HHIPL1: variants seen among roughly 807,000 people sequenced by gnomAD.
HHIPL1 encodes the protein HHIP-like protein 1.
A neutral mutation model predicts 61.8 loss-of-function variants in HHIPL1; 43 were observed. The ratio of observed to expected loss-of-function variants is 0.70; its 90% CI spans 0.55 to 0.90. The LOEUF is 0.90. Ranked by LOEUF, HHIPL1 falls within the 40% of genes least tolerant of loss-of-function variation. HHIPL1 has a pLI of 0.00. For missense variants in HHIPL1, 1,056 were observed against 1,157.7 expected (o/e 0.91, Z 1.28); for synonymous variants, 482 against 515.8 (o/e 0.93, Z 0.89).
the HHIPL1 span, among the ~76,000 whole-genome samples, chr14:99,611,739 TTG>T: frequency 4.0e-5 from 4 of 101,236 alleles, no homozygotes; most frequent in Non-Finnish European, 1.1e-4. Context: ...AGTTTTTGGG[TTG>T]TTTTTTTTTT....
chr14:99,649,081 C>G (rs1250713623), intron 1 of HHIPL1, among the ~76,000 whole-genome samples: 1 of 152,202 alleles, frequency 6.6e-6, no homozygotes, highest in African/African-American at 2.4e-5. Flanking sequence ...ATCACTATGT[C>G]TTCTTGTCAC....
chr14:99,672,996 G>C (rs1380276387), intron 8 of HHIPL1, among the ~76,000 whole-genome samples: 1 of 152,312 alleles, frequency 6.6e-6, no homozygotes, highest in Admixed American at 6.5e-5. Flanking sequence ...TACAGCACAC[G>C]GCGAGACACT....
chr14:99,670,165 G>A (rs1371512342), intron 7 of HHIPL1, among the ~76,000 whole-genome samples: 4 of 150,520 alleles, frequency 2.7e-5, no homozygotes, highest in Admixed American at 6.6e-5. Context: ...AGGCTGGAGC[G>A]CAGTAGCATG....
chr14:99,611,713 C>A, the HHIPL1 span, among the ~76,000 whole-genome samples: 1 of 150,506 alleles, frequency 6.6e-6, no homozygotes, highest in East Asian at 2.0e-4. Flanking sequence ...CAGGTGGGAG[C>A]CACCATGCCC....
At position 99,659,462 on chromosome 14, in the gene HHIPL1, G is replaced by A; in HGVS notation, c.1081G>A (p.Val361Met). The change falls in exon 4 of 9, where the codon GTG becomes ATG. Residue 361 changes from valine to methionine, a missense_variant. Coordinates refer to ENST00000330710, the MANE Select transcript of HHIPL1 (RefSeq NM_001127258.3). ...GCTGGGCAAGGTGCTGCGCATCGAC[G>A]TGGACCGTAAGGAGCGCGGCCTGCC... ...ALLGKVLRID[V>M]DRKERGLPYG... is the part of the protein sequence containing the mutation. 1 of 1,522,886 alleles carries A rather than the reference G, an allele frequency of 6.6e-7. No individual in the cohort carries two copies. The highest frequency in any genetic ancestry group is 8.8e-7 in the Non-Finnish European group (1 of 1,140,400). The allele number at this position is 1,522,886 out of a possible 1,614,324, so 94.3% of individuals were successfully genotyped here.
At position 99,657,440 on chromosome 14, in the gene HHIPL1, G is replaced by T. The variant is rs145091936; in HGVS notation, c.1046+297G>T. Reference sequence around the variant, plus strand: ...ACAGGCGCCTGAGAGGTGCATTAGCGAGCCTCAGGGCAGATGGGATTTTCT... The same window carrying T: ...ACAGGCGCCTGAGAGGTGCATTAGCTAGCCTCAGGGCAGATGGGATTTTCT... On this transcript the variant is annotated intron_variant, in intron 3 of 8. Transcript: ENST00000330710. Among the ~76,000 whole-genome samples, 4 of 152,290 alleles carry T rather than the reference G, an allele frequency of 2.6e-5. No individual in the cohort carries two copies. In the South Asian group the frequency reaches 8.3e-4, roughly 32 times the overall value.
At chr14:99,609,232 T>C in the HHIPL1 span, among the ~76,000 whole-genome samples, 5 of 152,190 alleles carry the variant, frequency 3.3e-5, no homozygotes, top group Non-Finnish European at 5.9e-5. Flanking sequence ...TGGGTGACCC[T>C]AGACCAGTCC....
intron 1 of HHIPL1, among the ~76,000 whole-genome samples, chr14:99,645,877 C>G (rs930957166): frequency 6.6e-6 from 1 of 152,154 alleles, no homozygotes; most frequent in African/African-American, 2.4e-5. Context: ...TTTGTGTTGT[C>G]CCCGGGGCAG....
At chr14:99,626,316 TGA>T in the HHIPL1 span, among the ~76,000 whole-genome samples, 1 of 151,158 alleles carries the variant, frequency 6.6e-6, no homozygotes, top group Admixed American at 6.6e-5. Context: ...CTCGGGGCTC[TGA>T]GACTGCAGGG....
chr14:99,635,411 A>T, the HHIPL1 span, among the ~76,000 whole-genome samples: 1 of 151,800 alleles, frequency 6.6e-6, no homozygotes, highest in South Asian at 2.1e-4. Context: ...GAAGCCGGGG[A>T]ATCAGATGCG....
upstream of HHIPL1, among the ~76,000 whole-genome samples, chr14:99,643,274 G>A (rs893316073): frequency 9.9e-5 from 15 of 151,170 alleles, no homozygotes; most frequent in African/African-American, 1.9e-4. Context: ...TCCTGACCTC[G>A]GGTGATCCGC....
At chr14:99,638,438 C>T in the HHIPL1 span, among the ~76,000 whole-genome samples, 9 of 152,292 alleles carry the variant, frequency 5.9e-5, no homozygotes, top group South Asian at 6.2e-4. Context: ...CTGCTGGAGC[C>T]GATGCGTAGG....
the HHIPL1 span, among the ~76,000 whole-genome samples, chr14:99,610,460 C>T: frequency 6.6e-6 from 1 of 152,144 alleles, no homozygotes; most frequent in Non-Finnish European, 1.5e-5. Context: ...ATATTTCTCC[C>T]TTATAAGATA....
chr14:99,644,661 G>C (rs2055797521), upstream of HHIPL1, among the ~76,000 whole-genome samples: 1 of 152,184 alleles, frequency 6.6e-6, no homozygotes, highest in Admixed American at 6.5e-5. Context: ...TAAGGGCAAA[G>C]GGTGGACTGC....
chr14:99,670,828 A>G (rs1336483519), intron 7 of HHIPL1, among the ~76,000 whole-genome samples: 1 of 152,186 alleles, frequency 6.6e-6, no homozygotes, highest in Admixed American at 6.5e-5. Context: ...CTGAGTCACT[A>G]TAACCCATTC....
At chr14:99,620,025 C>T in the HHIPL1 span, among the ~76,000 whole-genome samples, 2 of 152,206 alleles carry the variant, frequency 1.3e-5, no homozygotes, top group East Asian at 3.9e-4. Context: ...CCGCCTGGCA[C>T]TTCCGGAGGA....
At chr14:99,640,007 A>G in the HHIPL1 span, among the ~76,000 whole-genome samples, 1 of 152,132 alleles carries the variant, frequency 6.6e-6, no homozygotes, top group East Asian at 1.9e-4. Context: ...CTTTTAATTG[A>G]TCTATTCCAA....
At chr14:99,631,054 TTCTTTC>T in the HHIPL1 span, among the ~76,000 whole-genome samples, 412 of 75,484 alleles carry the variant, frequency 5.5e-3, 1 homozygote, top group South Asian at 0.021. Flanking sequence ...TCCATTTTCT[TTCTTTC>T]TTTCTTTCTT....
chr14:99,665,045 C>T (rs565432588), intron 6 of HHIPL1, among the ~76,000 whole-genome samples: 1 of 152,140 alleles, frequency 6.6e-6, no homozygotes, highest in African/African-American at 2.4e-5. Context: ...TACCTCAGCC[C>T]CCGGAGCAGC....
Sources: allele counts gnomAD v4.1 joint callset (sites outside exome capture counted in the v4.1 genomes callset), GRCh38; gene constraint gnomAD v4.1.1; transcripts MANE v1.5; gene names NCBI Gene and HGNC (gene_info 2026-07-23, HGNC 2026-07-21).